EML5: variants seen among roughly 807,000 people sequenced by gnomAD.
EML5 encodes echinoderm microtubule-associated protein-like 5.
EML5 carries 120 observed loss-of-function variants against 250.0 expected under a neutral mutation model. The observed-to-expected ratio is 0.48, with a 90% CI of 0.41 to 0.56. The LOEUF (loss-of-function observed/expected upper bound fraction) is 0.56. Among genes scored for constraint, EML5 ranks in the 20% least tolerant of loss-of-function variants. The probability of loss-of-function intolerance (pLI) is 0.00; values close to 1 mark genes in which losing one functional copy is unlikely to be tolerated. For missense variants in EML5, 2,006 were observed against 2,437.6 expected (o/e 0.82, Z 3.73); for synonymous variants, 771 against 806.5 (o/e 0.96, Z 0.75).
At chr14:88,781,822 C>T (rs1010470950) in intron 1 of EML5, among the ~76,000 whole-genome samples, 2 of 152,242 alleles carry the variant, frequency 1.3e-5, no homozygotes, top group Admixed American at 6.5e-5. Flanking sequence ...TCCAGCCCTG[C>T]AGAACTGTGA....
chr14:88,738,821 G>A lies in EML5; in HGVS notation c.847+58C>T, dbSNP rs2093883719. On this transcript the variant is annotated intron_variant, in intron 6 of 43. Coordinates refer to ENST00000554922, the MANE Select transcript of EML5 (RefSeq NM_183387.3). ...ACATTTATACTCACTGAAAGAAAGA[G>A]ATAATCTTTGGGAAGTTTAGAGTTT... 3 of 1,505,652 alleles carry A rather than the reference G, an allele frequency of 2.0e-6. No individual in the cohort carries two copies. The Admixed American group carries it at 7.0e-5, about 35-fold the overall frequency. The allele number at this position is 1,505,652 out of a possible 1,614,324, so 93.3% of individuals were successfully genotyped here. A position where few individuals can be genotyped will look rare whatever the true frequency, so the allele number is the denominator to read the frequency against.
intron 8 of EML5, among the ~76,000 whole-genome samples, chr14:88,720,360 A>C (rs1013972809): frequency 6.6e-6 from 1 of 152,212 alleles, no homozygotes; most frequent in Non-Finnish European, 1.5e-5. Flanking sequence ...TCCCTGATGA[A>C]TATCAATGCA....
intron 1 of EML5, among the ~76,000 whole-genome samples, chr14:88,775,461 A>G (rs2094437925): frequency 6.6e-6 from 1 of 151,708 alleles, no homozygotes; most frequent in South Asian, 2.1e-4. Flanking sequence ...TTAAGGGAAC[A>G]TTGGCAGTAG....
intron 1 of EML5, among the ~76,000 whole-genome samples, chr14:88,763,437 C>T (rs1187973541): frequency 1.3e-5 from 2 of 151,970 alleles, no homozygotes; most frequent in Non-Finnish European, 2.9e-5. Context: ...CACACACACC[C>T]CCCCAAGACT....
chr14:88,691,140 G>A (rs2141279503), intron 17 of EML5, among the ~76,000 whole-genome samples: 1 of 152,214 alleles, frequency 6.6e-6, no homozygotes, highest in South Asian at 2.1e-4. Flanking sequence ...CCCCATTTCT[G>A]GTCAGCTGCC....
In EML5 at chr14:88,706,290, T is replaced by A; in HGVS notation, c.1794A>T (p.Lys598Asn). Residue 598 changes from lysine (K) to asparagine (N), a missense_variant, in exon 11 of 44, where the codon AAA becomes AAT. By Grantham distance (94) the Lys-to-Asn change is moderately conservative (BLOSUM62 0). Coordinates refer to ENST00000554922, the MANE Select transcript of EML5 (RefSeq NM_183387.3). ...VFQWKFIPER[K>N]LKDAVHIAPQ... ...GTGCTATGTGAACAGCATCTTTCAG[T>A]TTTCTTTCAGGAATAAATTTCCACT... is the stretch of plus-strand genomic sequence containing the variant. 5 of 1,609,272 alleles carry A rather than the reference T, an allele frequency of 3.1e-6. No individual in the cohort carries two copies. Among genetic ancestry groups the A allele is most frequent in the Non-Finnish European group, 4.2e-6 (5 of 1,177,986 alleles).
At chr14:88,755,810 C>T (rs576159407) in intron 1 of EML5, among the ~76,000 whole-genome samples, 13 of 152,032 alleles carry the variant, frequency 8.6e-5, no homozygotes, top group African/African-American at 3.1e-4. Flanking sequence ...CTGGGAAACA[C>T]AGCAAACCAT....
At chr14:88,675,375 C>T (rs192038298) in intron 21 of EML5, among the ~76,000 whole-genome samples, 18 of 152,362 alleles carry the variant, frequency 1.2e-4, no homozygotes, top group African/African-American at 4.3e-4. Flanking sequence ...CCTGCAGGCT[C>T]AACACCACAT....
chr14:88,760,242 G>A (rs903299367), intron 1 of EML5, among the ~76,000 whole-genome samples: 1 of 151,984 alleles, frequency 6.6e-6, no homozygotes. Context: ...AGGTAATAAA[G>A]ATTTCCTCTG....
intron 4 of EML5, among the ~76,000 whole-genome samples, chr14:88,743,796 T>C (rs1262565485): frequency 2.0e-5 from 3 of 152,082 alleles, no homozygotes; most frequent in African/African-American, 4.8e-5. Context: ...GATTTCTTTA[T>C]GGAATGTGGC....
In EML5 at chr14:88,682,052, C is replaced by A. The variant is rs569914028; in HGVS notation, c.2983-21G>T. The A allele has an allele frequency of 1.9e-4, 303 of 1,571,502 alleles. 1 individual carries two copies. Among genetic ancestry groups the A allele is most frequent in the Non-Finnish European group, 2.5e-4 (295 of 1,163,510 alleles). On this transcript the variant is annotated intron_variant, in intron 20 of 43. Transcript: ENST00000554922. ...TGTCCCTATAAAGAAAACATAGGAT[C>A]AATTTAGTGTATGTGTGTGTATATT... is the stretch of plus-strand genomic sequence containing the variant.
intron 20 of EML5, among the ~76,000 whole-genome samples, chr14:88,683,590 A>T (rs1293637634): frequency 6.6e-6 from 1 of 152,224 alleles, no homozygotes; most frequent in Non-Finnish European, 1.5e-5. Flanking sequence ...TCAACAAAAT[A>T]CTGGCAAACC....
At chr14:88,618,607 GC>G (rs2088190261) in intron 40 of EML5, 42 bp downstream of exon 40, 4 of 1,572,022 alleles carry the variant, frequency 2.5e-6, no homozygotes, top group Non-Finnish European at 3.4e-6. Context: ...AAATGTAAAA[GC>G]AGAAGAACTT....
intron 6 of EML5, among the ~76,000 whole-genome samples, chr14:88,737,521 T>C (rs1174046384): frequency 3.3e-5 from 5 of 152,226 alleles, no homozygotes; most frequent in African/African-American, 1.2e-4. Flanking sequence ...GACAGGGGCA[T>C]TGCGCCCGCC....
In EML5 at chr14:88,759,685, T is replaced by TA. The variant is rs58676323; in HGVS notation, c.198-5015dup. ...AGTGACAGGGCAAGTCACCATCTCT[T>TA]AAAAAAAAAAAAAAAAAAACTGGGG... On this transcript the variant is annotated intron_variant, in intron 1 of 43. Transcript: ENST00000554922. Among the ~76,000 whole-genome samples the TA allele has an allele frequency of 9.3e-3, 867 of 92,906 alleles. 17 individuals are homozygous for TA. The highest frequency in any genetic ancestry group is 0.023 in the Middle Eastern group (4 of 176). The allele number at this position is 92,906 out of a possible 152,430, so 60.9% of individuals were successfully genotyped here.
chr14:88,772,362 A>G (rs1197772900), intron 1 of EML5, among the ~76,000 whole-genome samples: 1 of 152,226 alleles, frequency 6.6e-6, no homozygotes, highest in Non-Finnish European at 1.5e-5. Context: ...TAAAAATAAC[A>G]TAAATCTGAT....
intron 8 of EML5, among the ~76,000 whole-genome samples, chr14:88,725,233 T>C (rs12886944): frequency 1.3e-5 from 2 of 152,068 alleles, no homozygotes; most frequent in Non-Finnish European, 2.9e-5. Flanking sequence ...TAGAGGGTGG[T>C]GATGGTTGCA....
At chr14:88,695,494 A>T in intron 15 of EML5, 40 bp from the exon 16 acceptor site, 2 of 1,534,750 alleles carry the variant, frequency 1.3e-6, no homozygotes, top group Non-Finnish European at 8.9e-7. Context: ...GACTATTAAC[A>T]TTCAGAAGAG....
chr14:88,750,773 G>A (rs1225976701), intron 2 of EML5, among the ~76,000 whole-genome samples: 1 of 152,112 alleles, frequency 6.6e-6, no homozygotes, highest in Non-Finnish European at 1.5e-5. Flanking sequence ...GAGAACAAGA[G>A]GAGATTATTT....
Sources: allele counts gnomAD v4.1 joint callset (sites outside exome capture counted in the v4.1 genomes callset), GRCh38; gene constraint gnomAD v4.1.1; transcripts MANE v1.5; gene names NCBI Gene and HGNC (gene_info 2026-07-23, HGNC 2026-07-21).